Variants in SCRG1 observed in about 807,000 individuals in gnomAD.
The protein encoded by SCRG1 is scrapie-responsive protein 1.
SCRG1 carries 3 observed loss-of-function variants against 7.7 expected under a neutral mutation model. That is an observed-to-expected ratio of 0.39 (90% CI 0.18 to 1.01). The LOEUF (loss-of-function observed/expected upper bound fraction) is 1.01. Ranked by LOEUF, SCRG1 falls within the 50% of genes least tolerant of loss-of-function variation. The pLI is 0.36. For missense variants in SCRG1, 110 were observed against 117.2 expected (o/e 0.94, Z 0.28); for synonymous variants, 46 against 41.2 (o/e 1.12, Z -0.44).
At chr4:173,425,757 C>T in the SCRG1 span, among the ~76,000 whole-genome samples, 1 of 152,248 alleles carries the variant, frequency 6.6e-6, no homozygotes, top group African/African-American at 2.4e-5. Flanking sequence ...AATATTAGCT[C>T]ATTTCTTCTA....
Position 173,387,409 on chromosome 4 carries a change from C to T in SCRG1, c.*932G>A, listed in dbSNP as rs989525489. The T allele has an allele frequency of 3.3e-5, 5 of 152,198 alleles. No individual in the cohort carries two copies. Among genetic ancestry groups the T allele is most frequent in the African/African-American group, 1.2e-4 (5 of 41,426 alleles). 9.4% of individuals were successfully genotyped at this position (152,198 alleles called of 1,614,324 possible). ...GTTCCATGGTGGAGTTCAGTGGCAT[C>T]ATCTTAGCTCACTGCAGCCTTGAAT... On this transcript the variant is annotated 3_prime_UTR_variant, in exon 3 of 3. Transcript: ENST00000296506.
the SCRG1 span, among the ~76,000 whole-genome samples, chr4:173,504,685 G>A: frequency 6.6e-6 from 1 of 152,136 alleles, no homozygotes; most frequent in Non-Finnish European, 1.5e-5. This position sits in a 1 kb window ranked among gnomAD's most constrained non-coding sequence, Gnocchi z 4.7. Flanking sequence ...GATTTTTAGA[G>A]TAGTTGCCAG....
the SCRG1 span, among the ~76,000 whole-genome samples, chr4:173,444,314 T>A: frequency 6.6e-6 from 1 of 152,156 alleles, no homozygotes; most frequent in Non-Finnish European, 1.5e-5. Context: ...CTTGTAGTAG[T>A]CATTGTGGTT....
upstream of SCRG1, among the ~76,000 whole-genome samples, chr4:173,409,723 C>T (rs1038141271): frequency 2.0e-5 from 3 of 151,580 alleles, no homozygotes; most frequent in Non-Finnish European, 2.9e-5. Flanking sequence ...TAAGTACCTG[C>T]GATTACAGTC....
chr4:173,484,010 TATATA>T, the SCRG1 span, among the ~76,000 whole-genome samples: 5 of 93,438 alleles, frequency 5.4e-5, no homozygotes, highest in Non-Finnish European at 9.4e-5. Context: ...TATTACATAT[TATATA>T]ATATATTATA....
At chr4:173,402,721 T>C (rs1739793012), upstream of SCRG1, among the ~76,000 whole-genome samples, 1 of 152,180 alleles carries the variant, frequency 6.6e-6, no homozygotes, top group Non-Finnish European at 1.5e-5. Context: ...CCCTCAGGCT[T>C]GACTCCTTCT....
At chr4:173,388,885 C>G (rs911872323) in intron 2 of SCRG1, among the ~76,000 whole-genome samples, 1 of 152,052 alleles carries the variant, frequency 6.6e-6, no homozygotes, top group Non-Finnish European at 1.5e-5. Flanking sequence ...AAATTATATA[C>G]AAATGCAAGG....
At chr4:173,510,813 CGTT>C in the SCRG1 span, among the ~76,000 whole-genome samples, 1 of 152,298 alleles carries the variant, frequency 6.6e-6, no homozygotes, top group African/African-American at 2.4e-5. The surrounding 1 kb of genome is among the most constrained non-coding windows in gnomAD (Gnocchi z 5.7). Context: ...TGCCTGTCCA[CGTT>C]GTCACCAGAT....
the SCRG1 span, chr4:173,468,268 C>T: frequency 6.6e-6 from 1 of 152,298 alleles, no homozygotes; most frequent in Non-Finnish European, 1.5e-5. Flanking sequence ...ACATGCTGTC[C>T]AGGTTTGTAG....
the SCRG1 span, among the ~76,000 whole-genome samples, chr4:173,488,134 T>TAAA: frequency 7.5e-3 from 972 of 128,800 alleles, 11 homozygotes; most frequent in African/African-American, 0.022. Flanking sequence ...AATAAATAAA[T>TAAA]TTAAAAAATG....
chr4:173,441,310 A>G, the SCRG1 span, among the ~76,000 whole-genome samples: 1 of 152,194 alleles, frequency 6.6e-6, no homozygotes, highest in African/African-American at 2.4e-5. Context: ...TCAAACATTT[A>G]CTTTGTCTTT....
chr4:173,401,882 A>T (rs570318379), upstream of SCRG1, among the ~76,000 whole-genome samples: 7 of 152,346 alleles, frequency 4.6e-5, no homozygotes, highest in South Asian at 1.0e-3. Context: ...ATTCATCCTG[A>T]TGTCCATTAC....
chr4:173,492,936 C>G, the SCRG1 span, among the ~76,000 whole-genome samples: 6 of 152,268 alleles, frequency 3.9e-5, no homozygotes, highest in African/African-American at 7.2e-5. Flanking sequence ...GTGCTATGGA[C>G]AAGAACAAAC....
At chr4:173,505,817 C>G in the SCRG1 span, among the ~76,000 whole-genome samples, 2 of 152,196 alleles carry the variant, frequency 1.3e-5, no homozygotes, top group South Asian at 4.1e-4. The surrounding 1 kb of genome is among the most constrained non-coding windows in gnomAD (Gnocchi z 4.4). Flanking sequence ...AGGTGGAGCT[C>G]CTGGAGCTTT....
At chr4:173,486,030 A>G in the SCRG1 span, among the ~76,000 whole-genome samples, 11 of 152,184 alleles carry the variant, frequency 7.2e-5, no homozygotes, top group Non-Finnish European at 1.5e-5. Flanking sequence ...AAACTATGTC[A>G]AAGGCATGAT....
chr4:173,432,115 A>G, the SCRG1 span, among the ~76,000 whole-genome samples: 3 of 152,212 alleles, frequency 2.0e-5, no homozygotes, highest in Admixed American at 2.0e-4. Flanking sequence ...GATGTTGTCA[A>G]ATGAAGCATT....
rs1232556939 is a variant in SCRG1 at position 173,384,831 on chromosome 4, C to A, written c.*3510G>T. On this transcript the variant is annotated 3_prime_UTR_variant, in exon 3 of 3. Coordinates refer to ENST00000296506, the MANE Select transcript of SCRG1 (RefSeq NM_007281.4). Reference sequence around the variant, plus strand: ...ATATAGAAAGTCAAAGATAACAATACAGAAATACTTGTTCAGTAAGCTTTT... The same window carrying A: ...ATATAGAAAGTCAAAGATAACAATAAAGAAATACTTGTTCAGTAAGCTTTT... 1.3e-5 allele frequency: 2 copies of A among 152,158 alleles called. No individual in the cohort carries two copies. The highest frequency in any genetic ancestry group is 3.8e-4 in the East Asian group (2 of 5,204). 9.4% of individuals were successfully genotyped at this position (152,158 alleles called of 1,614,324 possible).
the SCRG1 span, among the ~76,000 whole-genome samples, chr4:173,435,436 G>A: frequency 6.6e-6 from 1 of 152,176 alleles, no homozygotes; most frequent in Non-Finnish European, 1.5e-5. Context: ...GGTCACCGGG[G>A]CTCCGAGGGG....
At chr4:173,518,689 G>C in the SCRG1 span, among the ~76,000 whole-genome samples, 1 of 152,154 alleles carries the variant, frequency 6.6e-6, no homozygotes, top group Admixed American at 6.5e-5. Flanking sequence ...AATCCCAGCG[G>C]TTAGCCCCTG....
Sources: allele counts gnomAD v4.1 joint callset (sites outside exome capture counted in the v4.1 genomes callset), GRCh38; gene constraint gnomAD v4.1.1; non-coding constraint Gnocchi (gnomAD v3.1); transcripts MANE v1.5; gene names NCBI Gene and HGNC (gene_info 2026-07-23, HGNC 2026-07-21).